Variants in ULK4 observed in about 807,000 individuals in gnomAD.
ULK4 encodes unc-51 like kinase 4.
A neutral mutation model predicts 160.6 loss-of-function variants in ULK4; 133 were observed. That is an observed-to-expected ratio of 0.83 (90% CI 0.72 to 0.96). The LOEUF is 0.96. Among genes scored for constraint, ULK4 ranks in the 40% least tolerant of loss-of-function variants. The pLI is 0.00. For missense variants in ULK4, 1,580 were observed against 1,499.5 expected, an observed-to-expected ratio of 1.05 and a Z score of -0.89; for synonymous variants, 534 against 539.8, an observed-to-expected ratio of 0.99 and a Z score of 0.15.
intron 5 of ULK4, among the ~76,000 whole-genome samples, chr3:41,931,349 G>A (rs1699592276): frequency 6.6e-6 from 1 of 151,808 alleles, no homozygotes; most frequent in South Asian, 2.1e-4. Context: ...GGGTCTAAAG[G>A]AGGGATAGCA....
intron 35 of ULK4, among the ~76,000 whole-genome samples, chr3:41,325,305 T>C (rs1319313104): frequency 2.0e-5 from 3 of 152,010 alleles, no homozygotes; most frequent in African/African-American, 4.8e-5. Context: ...TCTGGGGAGT[T>C]TGAAGAATGA....
At chr3:41,708,502 C>T (rs1476002175) in intron 25 of ULK4, among the ~76,000 whole-genome samples, 2 of 152,080 alleles carry the variant, frequency 1.3e-5, no homozygotes, top group African/African-American at 4.8e-5. Context: ...GAAGAGATGG[C>T]AGTTACCAGG....
intron 20 of ULK4, among the ~76,000 whole-genome samples, chr3:41,794,291 A>G (rs1358489463): frequency 6.6e-6 from 1 of 152,286 alleles, no homozygotes; most frequent in Middle Eastern, 3.4e-3. Context: ...TGATTAGCAG[A>G]TATCTACTGA....
chr3:41,916,151 A>T, intron 7 of ULK4, 99 bp from the exon 8 acceptor site: 1 of 706,870 alleles, frequency 1.4e-6, no homozygotes, highest in Non-Finnish European at 2.3e-6. Flanking sequence ...ATAGTATTTT[A>T]AACACATACA....
chr3:41,649,604 C>T (rs2034655896), intron 30 of ULK4, among the ~76,000 whole-genome samples: 1 of 152,244 alleles, frequency 6.6e-6, no homozygotes, highest in Non-Finnish European at 1.5e-5. Flanking sequence ...GTGGTGCAGA[C>T]ACACCAGCCC....
intron 18 of ULK4, among the ~76,000 whole-genome samples, chr3:41,831,373 A>G (rs1179578559): frequency 6.6e-6 from 1 of 150,812 alleles, no homozygotes; most frequent in African/African-American, 2.4e-5. Flanking sequence ...ATCTATGTTA[A>G]TTATTAAGAA....
intron 32 of ULK4, among the ~76,000 whole-genome samples, chr3:41,502,706 T>C (rs1460148198): frequency 1.3e-5 from 2 of 152,250 alleles, no homozygotes; most frequent in Non-Finnish European, 2.9e-5. Flanking sequence ...GTTTACATAT[T>C]GTATGATTCC....
chr3:41,585,709 ACAAT>A (rs2030743702), intron 31 of ULK4, among the ~76,000 whole-genome samples: 1 of 152,176 alleles, frequency 6.6e-6, no homozygotes, highest in Non-Finnish European at 1.5e-5. Flanking sequence ...ATCAAACCAA[ACAAT>A]CAACAGAGAG....
intron 11 of ULK4, among the ~76,000 whole-genome samples, chr3:41,908,404 T>C (rs1370721992): frequency 2.0e-5 from 3 of 152,296 alleles, no homozygotes; most frequent in African/African-American, 7.2e-5. Context: ...CCATACCGTA[T>C]GGGCCACTGT....
chr3:41,255,087 C>G (rs2078809082), intron 35 of ULK4, among the ~76,000 whole-genome samples: 1 of 151,066 alleles, frequency 6.6e-6, no homozygotes, highest in South Asian at 2.1e-4. Flanking sequence ...AAACATATCT[C>G]TTATATATAA....
At chr3:41,909,897 A>G (rs1344982226) in intron 11 of ULK4, among the ~76,000 whole-genome samples, 8 of 151,778 alleles carry the variant, frequency 5.3e-5, no homozygotes, top group Non-Finnish European at 1.0e-4. Flanking sequence ...TTTACATACT[A>G]CTAAATTTTT....
At chr3:41,383,040 A>T (rs1018563615) in intron 35 of ULK4, among the ~76,000 whole-genome samples, 12 of 152,088 alleles carry the variant, frequency 7.9e-5, no homozygotes, top group Admixed American at 3.3e-4. Context: ...AAGGCCCCTT[A>T]AAAAATTGCC....
At chr3:41,662,756 G>A (rs1472198834) in intron 30 of ULK4, among the ~76,000 whole-genome samples, 1 of 152,028 alleles carries the variant, frequency 6.6e-6, no homozygotes. Context: ...AAAGCAAAAA[G>A]AACCTCTTTC....
At chr3:41,351,486 C>T (rs1033330417) in intron 35 of ULK4, among the ~76,000 whole-genome samples, 4 of 152,226 alleles carry the variant, frequency 2.6e-5, no homozygotes, top group East Asian at 1.9e-4. Context: ...CTCCAGAGTA[C>T]ATTCTGAAAT....
chr3:41,679,055 T>A (rs755848283), intron 29 of ULK4, among the ~76,000 whole-genome samples: 35 of 151,260 alleles, frequency 2.3e-4, no homozygotes, highest in Non-Finnish European at 4.4e-4. Context: ...TCATTTAAAA[T>A]TTTTTTTTAC....
At chr3:41,405,292 G>A (rs1326932439) in intron 34 of ULK4, among the ~76,000 whole-genome samples, 1 of 152,096 alleles carries the variant, frequency 6.6e-6, no homozygotes, top group Admixed American at 6.5e-5. Flanking sequence ...CCATGTTGCT[G>A]CAAAGGACAT....
At chr3:41,437,802 G>T (rs2083069945) in intron 34 of ULK4, among the ~76,000 whole-genome samples, 1 of 152,152 alleles carries the variant, frequency 6.6e-6, no homozygotes, top group Non-Finnish European at 1.5e-5. Flanking sequence ...CTAATTAAAA[G>T]AATTTCAAAT....
chr3:41,605,982 A>C (rs1214630782), intron 31 of ULK4, among the ~76,000 whole-genome samples: 1 of 152,084 alleles, frequency 6.6e-6, no homozygotes, highest in Non-Finnish European at 1.5e-5. Context: ...ACTAAGTAAC[A>C]CTTCTAAATA....
chr3:41,348,206 CAAAAAAAAAAAA>C (rs1197234650), intron 35 of ULK4, among the ~76,000 whole-genome samples: 11 of 22,966 alleles, frequency 4.8e-4, no homozygotes, highest in African/African-American at 8.6e-4. Context: ...AACTCTGTCT[CAAAAAAAAAAAA>C]AAAAAAAAAA....
Sources: allele counts gnomAD v4.1 joint callset (sites outside exome capture counted in the v4.1 genomes callset), GRCh38; gene constraint gnomAD v4.1.1; transcripts MANE v1.5; gene names NCBI Gene and HGNC (gene_info 2026-07-23, HGNC 2026-07-21).